The following MYO9A variants were observed in gnomAD, a reference collection of about 807,000 sequenced individuals.
The protein encoded by MYO9A is unconventional myosin-IXa.
In MYO9A, 103 loss-of-function variants were observed where a neutral mutation model predicts 293.3. The ratio of observed to expected loss-of-function variants is 0.35; its 90% CI spans 0.30 to 0.41. The LOEUF (loss-of-function observed/expected upper bound fraction) is 0.41, where lower values mean the gene tolerates loss of function less well. MYO9A is among the 10% of genes least tolerant of loss of function. The pLI, the probability that MYO9A is intolerant of heterozygous loss-of-function variation, is 1.00. For missense variants in MYO9A, 2,685 were observed against 3,033.0 expected, an observed-to-expected ratio of 0.89 and a Z score of 2.69; for synonymous variants, 1,001 against 1,035.7, an observed-to-expected ratio of 0.97 and a Z score of 0.64.
chr15:71,991,059 T>C, intron 11 of MYO9A, 44 bp downstream of exon 11: 1 of 1,442,732 alleles, frequency 6.9e-7, no homozygotes, highest in Non-Finnish European at 9.2e-7. Flanking sequence ...GACTCAAAGA[T>C]ATGTGTGATG....
At chr15:72,035,773 C>G (rs1436242954) in intron 2 of MYO9A, among the ~76,000 whole-genome samples, 1 of 152,078 alleles carries the variant, frequency 6.6e-6, no homozygotes, top group African/African-American at 2.4e-5. Flanking sequence ...CCACTGCACT[C>G]CAGCCAGGGT....
Position 71,933,652 on chromosome 15 carries a change from AG to A in MYO9A, c.2562+17del, listed in dbSNP as rs1567288907. On this transcript the variant is annotated intron_variant, in intron 18 of 41. Transcript: ENST00000356056. The stretch of plus-strand genomic sequence containing the variant: ...TGTAGCAGAATACCAATACAAAAAA[AG>A]TTTTCATAGTACTCACCTTTGGAAG... 1 of 1,598,514 alleles carries A rather than the reference AG, an allele frequency of 6.3e-7. No homozygotes were observed. The highest frequency in any genetic ancestry group is 1.1e-5 in the South Asian group (1 of 89,110).
intron 19 of MYO9A, among the ~76,000 whole-genome samples, chr15:71,906,978 A>G (rs2144092320): frequency 6.8e-6 from 1 of 147,504 alleles, no homozygotes; most frequent in African/African-American, 2.5e-5. Context: ...GTGTTAGGGT[A>G]CATGTGCACA....
chr15:71,984,680 A>C (rs2148128174), intron 11 of MYO9A, among the ~76,000 whole-genome samples: 1 of 152,206 alleles, frequency 6.6e-6, no homozygotes, highest in East Asian at 1.9e-4. Context: ...CAATTTACTA[A>C]TTTTACTAAC....
chr15:72,064,724 T>C (rs2078970384), intron 1 of MYO9A, among the ~76,000 whole-genome samples: 1 of 152,182 alleles, frequency 6.6e-6, no homozygotes, highest in Admixed American at 6.6e-5. Context: ...AAGACCTAAA[T>C]ACATGGAAAA....
chr15:72,101,432 T>C (rs1321324229), intron 1 of MYO9A, among the ~76,000 whole-genome samples: 1 of 126,940 alleles, frequency 7.9e-6, no homozygotes, highest in Non-Finnish European at 1.7e-5. Flanking sequence ...GGAGCCCCTC[T>C]GCCAGGCCAG....
chr15:71,906,984 G>T (rs1300021758), intron 19 of MYO9A, among the ~76,000 whole-genome samples: 1 of 144,174 alleles, frequency 6.9e-6, no homozygotes, highest in Non-Finnish European at 1.5e-5. Flanking sequence ...GGGTACATGT[G>T]CACAATGTGC....
At chr15:71,892,844 AC>A (rs1385076510) in intron 26 of MYO9A, 1 of 539,654 alleles carries the variant, frequency 1.9e-6, no homozygotes, top group Non-Finnish European at 2.7e-6. Context: ...TGCTGTGTTC[AC>A]TGAGGTTTCC....
At chr15:71,972,340 T>A (rs1386637812) in intron 12 of MYO9A, 1 of 152,076 alleles carries the variant, frequency 6.6e-6, no homozygotes, top group East Asian at 1.9e-4. Flanking sequence ...ATATCCTTTA[T>A]AATATACTGG....
chr15:72,076,882 A>G (rs2079369377), intron 1 of MYO9A, among the ~76,000 whole-genome samples: 1 of 152,220 alleles, frequency 6.6e-6, no homozygotes, highest in South Asian at 2.1e-4. Context: ...ATACACAAAC[A>G]GATCAATGAA....
At chr15:71,998,308 G>C (rs2076758903) in intron 9 of MYO9A, among the ~76,000 whole-genome samples, 1 of 152,098 alleles carries the variant, frequency 6.6e-6, no homozygotes. Context: ...ACAGAGAATG[G>C]GAGGAGGGAG....
chr15:72,028,239 A>AT lies in MYO9A; in HGVS notation c.936-447_936-446insA, dbSNP rs67794305. ...AATAAATATATATATATATATATAT[A>AT]AATATATATATGTACATACTATTAT... On this transcript the variant is annotated intron_variant, in intron 3 of 41. Coordinates refer to ENST00000356056, the MANE Select transcript of MYO9A (RefSeq NM_006901.4). 2.3e-3 allele frequency among the ~76,000 whole-genome samples: 329 copies of AT among 143,596 alleles called. 1 individual carries two copies. Among genetic ancestry groups the AT allele is most frequent in the Middle Eastern group, 0.022 (6 of 276 alleles). 94.2% of individuals were successfully genotyped at this position (143,596 alleles called of 152,430 possible). A position where few individuals can be genotyped will look rare whatever the true frequency, so the allele number is the denominator to read the frequency against.
chr15:71,978,949 G>GT (rs968252177), intron 11 of MYO9A, among the ~76,000 whole-genome samples: 26 of 151,394 alleles, frequency 1.7e-4, no homozygotes, highest in Admixed American at 5.3e-4. Context: ...TTTTTAGATG[G>GT]TTTTTTTAAG....
intron 18 of MYO9A, among the ~76,000 whole-genome samples, chr15:71,929,626 A>C (rs1230683133): frequency 1.3e-5 from 2 of 152,220 alleles, no homozygotes; most frequent in Non-Finnish European, 2.9e-5. Flanking sequence ...TTGTATCGCA[A>C]GAATAAACCC....
intron 1 of MYO9A, among the ~76,000 whole-genome samples, chr15:72,086,585 G>C (rs1567025217): frequency 6.6e-6 from 1 of 151,820 alleles, no homozygotes. Flanking sequence ...ACGTGCTGGC[G>C]AGGCGAGGGA....
At chr15:71,844,904 C>A (rs560081860) in intron 39 of MYO9A, among the ~76,000 whole-genome samples, 7 of 152,182 alleles carry the variant, frequency 4.6e-5, no homozygotes, top group Admixed American at 4.6e-4. Context: ...TATGAAGACC[C>A]AAAGAAAGTA....
At chr15:71,878,582 T>A (rs914792826) in intron 30 of MYO9A, among the ~76,000 whole-genome samples, 1 of 152,156 alleles carries the variant, frequency 6.6e-6, no homozygotes, top group South Asian at 2.1e-4. Context: ...TTTAGATGGT[T>A]CTACTCTAAA....
At chr15:71,894,315 G>C (rs942098566) in intron 25 of MYO9A, among the ~76,000 whole-genome samples, 6 of 152,300 alleles carry the variant, frequency 3.9e-5, no homozygotes, top group African/African-American at 1.4e-4. Context: ...AGTGGCTCAT[G>C]CCTGTAAACC....
At chr15:71,894,871 T>C (rs2057279304) in intron 25 of MYO9A, among the ~76,000 whole-genome samples, 1 of 152,200 alleles carries the variant, frequency 6.6e-6, no homozygotes, top group African/African-American at 2.4e-5. Context: ...AACATATTGA[T>C]AATCTCTCCT....
Sources: allele counts gnomAD v4.1 joint callset (sites outside exome capture counted in the v4.1 genomes callset), GRCh38; gene constraint gnomAD v4.1.1; transcripts MANE v1.5; gene names NCBI Gene and HGNC (gene_info 2026-07-23, HGNC 2026-07-21).